LRRC4B: variants seen among roughly 807,000 people sequenced by gnomAD.
The protein encoded by LRRC4B is leucine-rich repeat-containing protein 4B.
LRRC4B carries 1 observed loss-of-function variant against 7.3 expected under a neutral mutation model. That is an observed-to-expected ratio of 0.14 (90% confidence interval 0.05 to 0.65). The LOEUF (loss-of-function observed/expected upper bound fraction) is 0.65, where lower values mean the gene tolerates loss of function less well. Ranked by LOEUF, LRRC4B falls within the 30% of genes least tolerant of loss-of-function variation. The probability of loss-of-function intolerance (pLI) is 0.84; values close to 1 mark genes in which losing one functional copy is unlikely to be tolerated. For synonymous variants in LRRC4B, 500 were observed against 499.2 expected (o/e 1.00, Z -0.02); for missense variants, 730 against 1,041.6 (o/e 0.70, Z 4.12).
At chr19:50,522,289 CTT>C (rs1980614373) in intron 2 of LRRC4B, among the ~76,000 whole-genome samples, 1 of 152,120 alleles carries the variant, frequency 6.6e-6, no homozygotes, top group Admixed American at 6.6e-5. Context: ...GGTAATAACT[CTT>C]TTAATCCTCC....
chr19:50,553,024 G>A lies in LRRC4B; in HGVS notation c.-35-4151C>T, dbSNP rs970665536. ...CCCTCCACTGTGAAACAGGGATAAT[G>A]GGAGTATCTGCCTCCTAGGGCCACT... On this transcript the variant is annotated intron_variant, in intron 1 of 2. Transcript: ENST00000652263. The surrounding 1 kb of genome is among the most constrained non-coding windows in gnomAD (Gnocchi z 4.2). Among the ~76,000 whole-genome samples, 6 of 152,196 alleles carry A rather than the reference G, an allele frequency of 3.9e-5. No homozygotes were observed. Among genetic ancestry groups the A allele is most frequent in the African/African-American group, 1.4e-4 (6 of 41,436 alleles).
chr19:50,520,630 G>GAA (rs35776740), intron 2 of LRRC4B, among the ~76,000 whole-genome samples: 16 of 114,594 alleles, frequency 1.4e-4, no homozygotes, highest in South Asian at 5.3e-4. Context: ...ACTCCGTCTC[G>GAA]AAAAAAAAAA....
In LRRC4B at chr19:50,517,728, T is replaced by C. The variant is rs766898863; in HGVS notation, c.1985A>G (p.His662Arg). ...LPALERDHLN[H>R]HHYVAAAFKA... is the part of the protein sequence containing the mutation. ...GAAGGCGGCAGCCACGTAGTGGTGGTGGTTGAGGTGGTCTCGCTCCAGGGC... is the reference window on the plus strand; with the variant it reads ...GAAGGCGGCAGCCACGTAGTGGTGGCGGTTGAGGTGGTCTCGCTCCAGGGC... Residue 662 changes from histidine (H) to arginine (R), a missense_variant, in exon 3 of 3, where the codon CAC (histidine) becomes CGC (arginine). Physicochemically the swap from His to Arg is conservative, Grantham distance 29 (BLOSUM62 0). Around this residue, in one of 6 missense-constraint regions of LRRC4B, gnomAD observed 160 missense variants for 163.9 expected, o/e 0.98. Coordinates refer to ENST00000652263, the MANE Select transcript of LRRC4B (RefSeq NM_001080457.2). This position sits in a 1 kb window ranked among gnomAD's most constrained non-coding sequence, Gnocchi z 6.6. 9 of 1,547,082 alleles carry C rather than the reference T, an allele frequency of 5.8e-6. No individual in the cohort carries two copies. The highest frequency in any genetic ancestry group is 7.0e-6 in the Non-Finnish European group (8 of 1,148,416).
intron 2 of LRRC4B, among the ~76,000 whole-genome samples, chr19:50,527,664 C>T (rs1980872038): frequency 6.6e-6 from 1 of 151,996 alleles, no homozygotes; most frequent in Non-Finnish European, 1.5e-5. Flanking sequence ...CTGTAATTGA[C>T]AGGGTGATCT....
At chr19:50,552,634 A>ATCTG (rs1982124055) in intron 1 of LRRC4B, among the ~76,000 whole-genome samples, 1 of 101,260 alleles carries the variant, frequency 9.9e-6, no homozygotes, top group African/African-American at 5.0e-5. Context: ...CCATTCATCC[A>ATCTG]TCCGCCCATC....
intron 2 of LRRC4B, among the ~76,000 whole-genome samples, chr19:50,532,761 C>G (rs1981112627): frequency 1.3e-5 from 2 of 152,196 alleles, no homozygotes; most frequent in South Asian, 4.1e-4. Context: ...CTTCTGCATT[C>G]CCAGCACGCT....
Position 50,517,687 on chromosome 19 carries a change from T to C in LRRC4B, c.2026A>G (p.Ser676Gly). ...CCGCAGCCCCCGCCGCTGGGGTTGCTGCTGTAGTGCGCCTTGAAGGCGGCA... is the reference window on the plus strand; with the variant it reads ...CCGCAGCCCCCGCCGCTGGGGTTGCCGCTGTAGTGCGCCTTGAAGGCGGCA... ...VAAAFKAHYS[S>G]NPSGGGCGGK... Residue 676 changes from serine (S) to glycine (G), a missense_variant, in exon 3 of 3, where the codon AGC becomes GGC. Physicochemically the swap from Ser to Gly is moderately conservative, Grantham distance 56. This residue lies in a region of LRRC4B where 160 missense variants were observed against 163.9 expected (regional missense o/e 0.98). Coordinates refer to ENST00000652263, the MANE Select transcript of LRRC4B (RefSeq NM_001080457.2). The surrounding 1 kb of genome is among the most constrained non-coding windows in gnomAD (Gnocchi z 6.6). 1 of 1,548,140 alleles carries C rather than the reference T, an allele frequency of 6.5e-7. No homozygotes were observed. Among genetic ancestry groups the C allele is most frequent in the Non-Finnish European group, 8.7e-7 (1 of 1,149,906 alleles).
chr19:50,566,462 A>C (rs1982632269), intron 1 of LRRC4B, among the ~76,000 whole-genome samples: 1 of 151,110 alleles, frequency 6.6e-6, no homozygotes, highest in African/African-American at 2.4e-5. Context: ...CCACCCCGAC[A>C]GAAAGTCACC....
At position 50,531,198 on chromosome 19, in the gene LRRC4B, C is replaced by A. The variant is rs142692909; in HGVS notation, c.298-11783G>T. On this transcript the variant is annotated intron_variant, in intron 2 of 2. Coordinates refer to ENST00000652263, the MANE Select transcript of LRRC4B (RefSeq NM_001080457.2). ...GCCTCTGCGGCACCCCAGGCTCCTG[C>A]TGACTCCCCCGGCAGCCCTGGAGGT... 6.8e-3 allele frequency among the ~76,000 whole-genome samples: 1,037 copies of A among 152,356 alleles called. 11 individuals are homozygous for A. Among genetic ancestry groups the A allele is most frequent in the African/African-American group, 0.024 (986 of 41,580 alleles).
At chr19:50,520,183 G>C (rs1980492029) in intron 2 of LRRC4B, among the ~76,000 whole-genome samples, 1 of 103,334 alleles carries the variant, frequency 9.7e-6, no homozygotes, top group South Asian at 3.5e-4. Flanking sequence ...TCCAGCCTGG[G>C]CAATGAAGTA....
intron 2 of LRRC4B, among the ~76,000 whole-genome samples, chr19:50,522,020 A>G (rs1980604028): frequency 6.6e-6 from 1 of 152,068 alleles, no homozygotes; most frequent in Admixed American, 6.6e-5. Flanking sequence ...CTACAGACAA[A>G]TACGAAAATT....
At chr19:50,527,317 C>A (rs372114691) in intron 2 of LRRC4B, among the ~76,000 whole-genome samples, 3 of 151,464 alleles carry the variant, frequency 2.0e-5, no homozygotes, top group Admixed American at 2.0e-4. Flanking sequence ...CAGGCATGAG[C>A]CACCACGCCC....
At chr19:50,526,677 TA>T (rs955841404) in intron 2 of LRRC4B, among the ~76,000 whole-genome samples, 3 of 152,298 alleles carry the variant, frequency 2.0e-5, no homozygotes, top group African/African-American at 7.2e-5. Flanking sequence ...ACCGTGTTTC[TA>T]AAATTAAAAA....
intron 1 of LRRC4B, among the ~76,000 whole-genome samples, chr19:50,564,447 A>AGAGGGACAAAGAAGG (rs1282728918): frequency 6.6e-6 from 1 of 151,972 alleles, no homozygotes; most frequent in Non-Finnish European, 1.5e-5. Flanking sequence ...CGAGTGACAC[A>AGAGGGACAAAGAAGG]GAGGGACAAA....
intron 2 of LRRC4B, among the ~76,000 whole-genome samples, chr19:50,525,580 A>ATT (rs36006616): frequency 1.8e-4 from 23 of 124,720 alleles, no homozygotes; most frequent in South Asian, 5.3e-4. Context: ...TAATTTTTGT[A>ATT]TTTTTTTTTT....
At chr19:50,551,260 C>T (rs376750692) in intron 1 of LRRC4B, among the ~76,000 whole-genome samples, 1 of 151,896 alleles carries the variant, frequency 6.6e-6, no homozygotes, top group East Asian at 2.0e-4. Flanking sequence ...TCCGGCCAGC[C>T]GGGGTCTCTG....
chr19:50,519,386 C>G lies in LRRC4B; in HGVS notation c.327G>C (p.Leu109=), dbSNP rs1980452755. 6.2e-7 allele frequency: 1 copy of G among 1,605,750 alleles called. No individual in the cohort carries two copies. The highest frequency in any genetic ancestry group is 1.3e-5 in the African/African-American group (1 of 74,884). The part of the protein sequence containing the change: ...QVIRTDTFKH[L]RHLEILQLSK... ...TCAGCTGCAGAATCTCCAGGTGCCG[C>G]AGGTGCTTGAACGTGTCCGTCCGGA... Residue 109 remains leucine (L), a synonymous_variant, in exon 3 of 3, where the codon CTG becomes CTC. Coordinates refer to ENST00000652263, the MANE Select transcript of LRRC4B (RefSeq NM_001080457.2). The surrounding 1 kb of genome is among the most constrained non-coding windows in gnomAD (Gnocchi z 8.1).
intron 2 of LRRC4B, among the ~76,000 whole-genome samples, chr19:50,526,090 T>C (rs1389279134): frequency 6.6e-6 from 1 of 151,890 alleles, no homozygotes; most frequent in Non-Finnish European, 1.5e-5. Flanking sequence ...CCCTTCACAA[T>C]CCTCCCAGGA....
chr19:50,517,663 C>T lies in LRRC4B; in HGVS notation c.2050G>A (p.Gly684Arg), dbSNP rs747076961. ...YSSNPSGGGC[G>R]GKGPPGLNSI... ...TTGAGGCCAGGCGGGCCTTTGCCCCCGCAGCCCCCGCCGCTGGGGTTGCTG... is the reference window on the plus strand; with the variant it reads ...TTGAGGCCAGGCGGGCCTTTGCCCCTGCAGCCCCCGCCGCTGGGGTTGCTG... The change falls in exon 3 of 3, where the codon GGG (glycine) becomes AGG (arginine). Residue 684 changes from glycine to arginine, a missense_variant. Gly to Arg is a moderately radical substitution (Grantham distance 125). Around this residue, in one of 6 missense-constraint regions of LRRC4B, gnomAD observed 160 missense variants for 163.9 expected, o/e 0.98. Coordinates refer to ENST00000652263, the MANE Select transcript of LRRC4B (RefSeq NM_001080457.2). The surrounding 1 kb of genome is among the most constrained non-coding windows in gnomAD (Gnocchi z 6.6). The T allele has an allele frequency of 9.2e-6, 14 of 1,518,108 alleles. No homozygotes were observed. The highest frequency in any genetic ancestry group is 2.5e-5 in the East Asian group (1 of 40,772). 94.0% of individuals were successfully genotyped at this position (1,518,108 alleles called of 1,614,324 possible).
Sources: allele counts gnomAD v4.1 joint callset (sites outside exome capture counted in the v4.1 genomes callset), GRCh38; gene constraint gnomAD v4.1.1; regional missense constraint gnomAD v4.1.1; non-coding constraint Gnocchi (gnomAD v3.1); transcripts MANE v1.5; gene names NCBI Gene and HGNC (gene_info 2026-07-23, HGNC 2026-07-21).